Variants in GRAMD4 observed in about 807,000 individuals in gnomAD.
GRAMD4 encodes GRAM domain containing 4, also known as GRAM domain-containing protein 4.
In GRAMD4, 25 loss-of-function variants were observed where a neutral mutation model predicts 83.9. That is an observed-to-expected ratio of 0.30 (90% CI 0.22 to 0.42). The LOEUF (loss-of-function observed/expected upper bound fraction) is 0.42, where lower values mean the gene tolerates loss of function less well. GRAMD4 is among the 10% of genes least tolerant of loss of function. The pLI, the probability that GRAMD4 is intolerant of heterozygous loss-of-function variation, is 1.00. For synonymous variants in GRAMD4, 336 were observed against 320.9 expected (o/e 1.05, Z -0.50); for missense variants, 593 against 788.7 (o/e 0.75, Z 2.97).
At chr22:46,630,992 C>T (rs867463673) in intron 2 of GRAMD4, among the ~76,000 whole-genome samples, 1 of 152,154 alleles carries the variant, frequency 6.6e-6, no homozygotes, top group African/African-American at 2.4e-5. Context: ...GGCCATGTGC[C>T]CCCACCCCGG....
At position 46,678,586 on chromosome 22, in the gene GRAMD4, C is replaced by A. The variant is rs923733272; in HGVS notation, c.*1335C>A. ...TGCGTGTCTGCTGGGGCGGATCCCG[C>A]AGCTCCCTCAGCTTGTCCTGAGTCC... On this transcript the variant is annotated 3_prime_UTR_variant, in exon 19 of 19. Transcript: ENST00000406902. 4 of 985,386 alleles carry A rather than the reference C, an allele frequency of 4.1e-6. No homozygotes were observed. The African/African-American group carries it at 7.0e-5, about 17-fold the overall frequency. 61.0% of individuals were successfully genotyped at this position (985,386 alleles called of 1,614,324 possible).
At chr22:46,682,461 G>A (rs1331610508), downstream of GRAMD4, 1 of 984,546 alleles carries the variant, frequency 1.0e-6, no homozygotes, top group Non-Finnish European at 1.2e-6. Context: ...AATGAGTCAG[G>A]GGAGGCCGTG....
chr22:46,590,117 G>A (rs1312075346), intron 1 of GRAMD4, among the ~76,000 whole-genome samples: 1 of 152,212 alleles, frequency 6.6e-6, no homozygotes, highest in South Asian at 2.1e-4. Flanking sequence ...TGGCAGTCAG[G>A]AGAGCCTTGG....
chr22:46,659,670 G>A lies in GRAMD4; in HGVS notation c.404+1363G>A, dbSNP rs116934293. On this transcript the variant is annotated intron_variant, in intron 4 of 18. Coordinates refer to ENST00000406902, the MANE Select transcript of GRAMD4 (RefSeq NM_015124.5). This position sits in a 1 kb window ranked among gnomAD's most constrained non-coding sequence, Gnocchi z 4.1. ...GCTGACTCCCACTTCTTCCTTGCCC[G>A]CCTCCTGCAGGTCAGCATGACCTTG... Among the ~76,000 whole-genome samples the A allele has an allele frequency of 6.3e-3, 958 of 152,110 alleles. 7 individuals carry two copies. The highest frequency in any genetic ancestry group is 0.01 in the Middle Eastern group (3 of 294).
upstream of GRAMD4, among the ~76,000 whole-genome samples, chr22:46,616,087 C>G (rs1364531855): frequency 8.2e-6 from 1 of 121,742 alleles, no homozygotes; most frequent in Non-Finnish European, 1.7e-5. Flanking sequence ...TTCCCCCAAG[C>G]GTGTAGGTTC....
chr22:46,668,956 G>T, intron 13 of GRAMD4, 48 bp downstream of exon 13: 1 of 1,029,330 alleles, frequency 9.7e-7, no homozygotes, highest in Non-Finnish European at 1.5e-6. Flanking sequence ...AGGGACACAG[G>T]TGTCCGCATG....
downstream of GRAMD4, chr22:46,682,470 TGAA>T (rs1393896904): frequency 1.0e-6 from 1 of 982,982 alleles, no homozygotes; most frequent in Non-Finnish European, 1.2e-6. Flanking sequence ...GGGGAGGCCG[TGAA>T]GAAGCTCTCG....
chr22:46,661,242 G>A (rs2082321942), intron 4 of GRAMD4, 139 bp from the exon 5 acceptor site: 1 of 648,654 alleles, frequency 1.5e-6, no homozygotes, highest in East Asian at 2.6e-5. Context: ...CATTTCAGCA[G>A]TGGAGACTCT....
At chr22:46,641,410 AGG>A (rs2081974022) in intron 3 of GRAMD4, among the ~76,000 whole-genome samples, 3 of 152,102 alleles carry the variant, frequency 2.0e-5, no homozygotes, top group African/African-American at 7.2e-5. Context: ...GAAGGAAGGA[AGG>A]AAGGAAGGAA....
chr22:46,600,814 C>T (rs1248729453), intron 1 of GRAMD4, among the ~76,000 whole-genome samples: 1 of 152,196 alleles, frequency 6.6e-6, no homozygotes, highest in African/African-American at 2.4e-5. Context: ...AAATCTATTA[C>T]ATGTTAACAT....
At chr22:46,585,141 T>C (rs1212984654) in intron 1 of GRAMD4, among the ~76,000 whole-genome samples, 1 of 152,102 alleles carries the variant, frequency 6.6e-6, no homozygotes, top group South Asian at 2.1e-4. Flanking sequence ...CGGCGGTGTT[T>C]TCCAGGCAGC....
intron 3 of GRAMD4, 57 bp downstream of exon 3, chr22:46,638,017 G>A: frequency 6.3e-7 from 1 of 1,576,342 alleles, no homozygotes; most frequent in Non-Finnish European, 8.7e-7. Context: ...GGGTGGCTGA[G>A]ATGGGGGATG....
chr22:46,618,250 T>G (rs947006604), upstream of GRAMD4, among the ~76,000 whole-genome samples: 3 of 151,896 alleles, frequency 2.0e-5, no homozygotes, highest in African/African-American at 7.3e-5. The surrounding 1 kb of genome is among the most constrained non-coding windows in gnomAD (Gnocchi z 5.8). Context: ...CCCTGGAGAC[T>G]TAGCCAGACA....
intron 3 of GRAMD4, among the ~76,000 whole-genome samples, chr22:46,640,956 G>A (rs2081966992): frequency 6.6e-6 from 1 of 152,024 alleles, no homozygotes; most frequent in Admixed American, 6.6e-5. Context: ...ACTGAAAAAA[G>A]CAAACAGCTT....
At chr22:46,675,340 T>C (rs1294321635) in intron 16 of GRAMD4, 128 bp from the exon 17 acceptor site, 1 of 719,878 alleles carries the variant, frequency 1.4e-6, no homozygotes, top group Non-Finnish European at 2.5e-6. Flanking sequence ...CGGTTCTGTG[T>C]CTGCTGGGAA....
intron 1 of GRAMD4, among the ~76,000 whole-genome samples, chr22:46,610,698 A>G (rs977930603): frequency 3.9e-5 from 6 of 152,236 alleles, no homozygotes; most frequent in African/African-American, 1.2e-4. Flanking sequence ...AATCTGGGGA[A>G]TCCAGAAGGG....
intron 1 of GRAMD4, among the ~76,000 whole-genome samples, chr22:46,595,502 G>C (rs6008927): frequency 6.6e-6 from 1 of 151,964 alleles, no homozygotes; most frequent in Non-Finnish European, 1.5e-5. Flanking sequence ...TGGTCAGTAT[G>C]GGCACAGAGG....
At chr22:46,604,029 G>A (rs189217550) in intron 1 of GRAMD4, among the ~76,000 whole-genome samples, 248 of 152,326 alleles carry the variant, frequency 1.6e-3, no homozygotes, top group African/African-American at 5.6e-3. Flanking sequence ...ATGTCCCAAC[G>A]TGATTGGTGG....
At chr22:46,577,380 A>G (rs1276657775) in intron 1 of GRAMD4, 1 of 608,612 alleles carries the variant, frequency 1.6e-6, no homozygotes, top group Non-Finnish European at 1.9e-6. Context: ...GACCCAGCTC[A>G]CTCGGCCGCG....
Sources: gnomAD v4.1 joint callset for allele counts (sites outside exome capture counted in the v4.1 genomes callset) on GRCh38, gnomAD v4.1.1 for gene constraint, Gnocchi (gnomAD v3.1) non-coding constraint, MANE v1.5 for transcripts, NCBI Gene and HGNC (gene_info 2026-07-23, HGNC 2026-07-21) for gene names.